The following DRC9 variants were observed in gnomAD, a reference collection of about 807,000 sequenced individuals.
The protein encoded by DRC9 is dynein regulatory complex protein 9.
the DRC9 span, among the ~76,000 whole-genome samples, chr3:197,941,531 CTCTT>C: frequency 2.3e-5 from 2 of 87,058 alleles, no homozygotes; most frequent in Non-Finnish European, 4.0e-5. Flanking sequence ...TTCTCTCTTT[CTCTT>C]TCTTTCTTTC....
chr3:197,893,264 G>A, the DRC9 span, among the ~76,000 whole-genome samples: 29 of 147,770 alleles, frequency 2.0e-4, no homozygotes, highest in South Asian at 5.9e-3. Context: ...GGCTGAGGCA[G>A]GAGAATCACT....
chr3:197,938,844 C>A, the DRC9 span: 1 of 1,135,030 alleles, frequency 8.8e-7, no homozygotes, highest in South Asian at 1.4e-5. Context: ...AGAAAGAGGC[C>A]TTTGTGTACA....
At chr3:197,944,063 A>C in the DRC9 span, 1 of 1,601,036 alleles carries the variant, frequency 6.2e-7, no homozygotes, top group Non-Finnish European at 8.5e-7. Flanking sequence ...TAAGGAAAGA[A>C]TAAAGAAAAA....
chr3:197,932,807 A>G, the DRC9 span, among the ~76,000 whole-genome samples: 1 of 137,192 alleles, frequency 7.3e-6, no homozygotes, highest in Non-Finnish European at 1.5e-5. Flanking sequence ...AAAAATATAT[A>G]TATGTATTAT....
At chr3:197,897,198 T>A in the DRC9 span, among the ~76,000 whole-genome samples, 1 of 150,668 alleles carries the variant, frequency 6.6e-6, no homozygotes, top group East Asian at 1.9e-4. Context: ...AGTGTTTAGA[T>A]GAAATGGATT....
chr3:197,922,476 C>T, the DRC9 span, among the ~76,000 whole-genome samples: 20 of 152,112 alleles, frequency 1.3e-4, no homozygotes, highest in East Asian at 1.4e-3. Context: ...GAGGCCGAGG[C>T]GGGTGGATCA....
chr3:197,915,345 G>A, the DRC9 span, among the ~76,000 whole-genome samples: 7 of 152,134 alleles, frequency 4.6e-5, no homozygotes, highest in South Asian at 1.5e-3. Flanking sequence ...GCCTAGTGAG[G>A]GTTGAGGGGA....
At chr3:197,915,554 C>A in the DRC9 span, among the ~76,000 whole-genome samples, 3 of 152,176 alleles carry the variant, frequency 2.0e-5, no homozygotes, top group Non-Finnish European at 2.9e-5. Flanking sequence ...GACGGCACAG[C>A]AAACAAGCAC....
chr3:197,959,167 A>T, the DRC9 span: 1 of 152,112 alleles, frequency 6.6e-6, no homozygotes, highest in African/African-American at 2.4e-5. Context: ...AGATTGTGTC[A>T]CTGCACTCCA....
At chr3:197,932,356 C>A in the DRC9 span, 1 of 1,502,042 alleles carries the variant, frequency 6.7e-7, no homozygotes, top group Non-Finnish European at 9.1e-7. Flanking sequence ...TATTTTCAGC[C>A]GGGCATGGTG....
chr3:197,893,804 C>T, the DRC9 span, among the ~76,000 whole-genome samples: 9 of 151,656 alleles, frequency 5.9e-5, no homozygotes, highest in East Asian at 1.9e-4. Context: ...GCCAAGATTG[C>T]GCCACAGCAC....
the DRC9 span, chr3:197,951,063 G>C: frequency 1.2e-6 from 2 of 1,603,234 alleles, no homozygotes; most frequent in South Asian, 1.1e-5. Context: ...AAAAAACTTA[G>C]ATGTTTGCTC....
the DRC9 span, chr3:197,950,992 A>G: frequency 2.5e-6 from 4 of 1,613,304 alleles, no homozygotes; most frequent in African/African-American, 1.3e-5. Flanking sequence ...CGCGTTTTAA[A>G]TATAGTTCTT....
the DRC9 span, chr3:197,957,968 A>G: frequency 6.6e-6 from 1 of 152,262 alleles, no homozygotes; most frequent in Admixed American, 6.5e-5. Context: ...CCAGAAAACT[A>G]AAATGCCACA....
chr3:197,897,225 T>C, the DRC9 span, among the ~76,000 whole-genome samples: 2 of 151,734 alleles, frequency 1.3e-5, no homozygotes, highest in African/African-American at 2.4e-5. Context: ...TAGGAAGACG[T>C]AAGTTACAAA....
the DRC9 span, among the ~76,000 whole-genome samples, chr3:197,893,890 A>G: frequency 6.6e-6 from 1 of 152,170 alleles, no homozygotes; most frequent in Non-Finnish European, 1.5e-5. Flanking sequence ...ATGTGAATCA[A>G]AGATTCTACA....
chr3:197,948,370 A>T, the DRC9 span, among the ~76,000 whole-genome samples: 1 of 152,168 alleles, frequency 6.6e-6, no homozygotes, highest in Non-Finnish European at 1.5e-5. Context: ...CTGGGCACTC[A>T]TGCCACTACT....
At chr3:197,942,587 A>G in the DRC9 span, among the ~76,000 whole-genome samples, 1 of 152,088 alleles carries the variant, frequency 6.6e-6, no homozygotes, top group Non-Finnish European at 1.5e-5. Context: ...CCTCTTATTT[A>G]TATAGCAATT....
chr3:197,946,726 T>A, the DRC9 span, among the ~76,000 whole-genome samples: 155 of 152,308 alleles, frequency 1.0e-3, 1 homozygote, highest in African/African-American at 3.5e-3. Context: ...AATCTTCACA[T>A]AAATTTGAAA....
Sources: allele counts gnomAD v4.1 joint callset (sites outside exome capture counted in the v4.1 genomes callset), GRCh38; gene constraint gnomAD v4.1.1; transcripts MANE v1.5; gene names NCBI Gene and HGNC (gene_info 2026-07-23, HGNC 2026-07-21).